Variants in CSTPP1 observed in about 807,000 individuals in gnomAD.
The protein encoded by CSTPP1 is UPF0705 protein C11orf49.
the CSTPP1 span, among the ~76,000 whole-genome samples, chr11:47,142,237 A>T: frequency 3.5e-5 from 2 of 57,016 alleles, no homozygotes; most frequent in Non-Finnish European, 7.2e-5. Flanking sequence ...GTGAGACTCC[A>T]TCTCAAAAAA....
the CSTPP1 span, among the ~76,000 whole-genome samples, chr11:47,024,859 G>A: frequency 6.6e-6 from 1 of 152,032 alleles, no homozygotes; most frequent in East Asian, 1.9e-4. Flanking sequence ...CTGCTACCTA[G>A]AGGTCTTTCC....
chr11:46,998,177 C>G, the CSTPP1 span, among the ~76,000 whole-genome samples: 2 of 152,190 alleles, frequency 1.3e-5, no homozygotes, highest in Admixed American at 6.5e-5. Flanking sequence ...CATCTTGGAA[C>G]CTCCCCTTTT....
At chr11:47,125,978 C>G in the CSTPP1 span, among the ~76,000 whole-genome samples, 1 of 151,038 alleles carries the variant, frequency 6.6e-6, no homozygotes, top group African/African-American at 2.4e-5. Context: ...GATTGTACCG[C>G]TGTATTCCAT....
the CSTPP1 span, among the ~76,000 whole-genome samples, chr11:47,112,836 GTTTA>G: frequency 6.6e-6 from 1 of 151,890 alleles, no homozygotes; most frequent in African/African-American, 2.4e-5. Flanking sequence ...TCCCCATTTT[GTTTA>G]TTTATTTATT....
At chr11:47,050,791 G>C in the CSTPP1 span, among the ~76,000 whole-genome samples, 1 of 152,146 alleles carries the variant, frequency 6.6e-6, no homozygotes, top group Non-Finnish European at 1.5e-5. Context: ...ATAGCACTGC[G>C]TGGTTAGGTT....
chr11:47,066,773 C>T, the CSTPP1 span, among the ~76,000 whole-genome samples: 21 of 151,990 alleles, frequency 1.4e-4, no homozygotes, highest in Admixed American at 1.2e-3. Flanking sequence ...TTATTTAATC[C>T]ACCACCACTA....
the CSTPP1 span, among the ~76,000 whole-genome samples, chr11:47,088,650 G>A: frequency 7.9e-5 from 12 of 152,096 alleles, no homozygotes; most frequent in Non-Finnish European, 1.2e-4. Context: ...GGGTTCAAGC[G>A]ATTCTCCTGC....
At chr11:47,106,721 C>T in the CSTPP1 span, among the ~76,000 whole-genome samples, 1 of 152,032 alleles carries the variant, frequency 6.6e-6, no homozygotes, top group African/African-American at 2.4e-5. Context: ...TTTACCTAGG[C>T]AAAATGCCCA....
At chr11:46,980,296 A>G in the CSTPP1 span, among the ~76,000 whole-genome samples, 1 of 152,124 alleles carries the variant, frequency 6.6e-6, no homozygotes, top group East Asian at 1.9e-4. Flanking sequence ...GTCACAGGTG[A>G]TGTTAGCATA....
chr11:47,160,964 T>C, the CSTPP1 span: 2 of 850,036 alleles, frequency 2.4e-6, no homozygotes, highest in Non-Finnish European at 3.6e-6. Context: ...AGCACCTTCC[T>C]GCTCCGTGAC....
the CSTPP1 span, among the ~76,000 whole-genome samples, chr11:47,035,094 C>T: frequency 2.6e-5 from 4 of 152,194 alleles, no homozygotes; most frequent in South Asian, 2.1e-4. Flanking sequence ...AAAAGTATTT[C>T]ACCAAAAGTG....
chr11:47,131,375 G>C, the CSTPP1 span, among the ~76,000 whole-genome samples: 8 of 152,186 alleles, frequency 5.3e-5, no homozygotes, highest in Non-Finnish European at 8.8e-5. Context: ...TGCTCCCACA[G>C]AGCTTCAGAA....
At chr11:47,080,774 C>T in the CSTPP1 span, among the ~76,000 whole-genome samples, 2 of 151,888 alleles carry the variant, frequency 1.3e-5, no homozygotes, top group Non-Finnish European at 2.9e-5. Context: ...GTTGGGAGGC[C>T]GAGGCAGGCA....
At chr11:47,010,203 G>A in the CSTPP1 span, among the ~76,000 whole-genome samples, 3 of 152,210 alleles carry the variant, frequency 2.0e-5, no homozygotes, top group African/African-American at 7.2e-5. Context: ...TGGGAAAGGA[G>A]TGGAAATAAA....
At chr11:47,157,987 G>C in the CSTPP1 span, 9 of 1,432,344 alleles carry the variant, frequency 6.3e-6, no homozygotes, top group Non-Finnish European at 8.8e-6. Context: ...GCTGGCCTCT[G>C]TTAGCAACAC....
At chr11:46,998,226 G>T in the CSTPP1 span, among the ~76,000 whole-genome samples, 42 of 152,018 alleles carry the variant, frequency 2.8e-4, no homozygotes, top group Non-Finnish European at 5.0e-4. Context: ...GCTCTATATT[G>T]TGCCATTTTA....
the CSTPP1 span, among the ~76,000 whole-genome samples, chr11:47,102,274 G>A: frequency 2.6e-5 from 4 of 151,870 alleles, no homozygotes; most frequent in African/African-American, 9.7e-5. Flanking sequence ...AACTAGATAG[G>A]CACAAAGATG....
the CSTPP1 span, among the ~76,000 whole-genome samples, chr11:47,130,301 A>G: frequency 1.3e-5 from 2 of 151,714 alleles, no homozygotes; most frequent in African/African-American, 4.8e-5. Context: ...TTCTGCCCCC[A>G]TTGGAACACA....
At chr11:47,124,114 CTTTT>C in the CSTPP1 span, among the ~76,000 whole-genome samples, 2 of 63,232 alleles carry the variant, frequency 3.2e-5, no homozygotes, top group East Asian at 6.6e-4. Flanking sequence ...AATGGTCTTA[CTTTT>C]TTTTTTTTTT....
Sources: gnomAD v4.1 joint callset for allele counts (sites outside exome capture counted in the v4.1 genomes callset) on GRCh38, gnomAD v4.1.1 for gene constraint, MANE v1.5 for transcripts, NCBI Gene and HGNC (gene_info 2026-07-23, HGNC 2026-07-21) for gene names.